The following OBP2B variants were observed in gnomAD, a reference collection of about 807,000 sequenced individuals.
OBP2B encodes the protein odorant binding protein 2B, also known as odorant-binding protein 2b.
A neutral mutation model predicts 21.7 loss-of-function variants in OBP2B; 10 were observed. That is an observed-to-expected ratio of 0.46 (90% confidence interval 0.28 to 0.78). The LOEUF is 0.78. Among genes scored for constraint, OBP2B ranks in the 30% least tolerant of loss-of-function variants. The pLI is 0.11. For synonymous variants in OBP2B, 73 were observed against 91.5 expected (o/e 0.80, Z 1.16); for missense variants, 153 against 217.7 (o/e 0.70, Z 1.87).
rs782119753 is a variant in OBP2B, at chr9:133,208,136, C to T, written c.274G>A (p.Ala92Thr). 8.1e-6 allele frequency: 13 copies of T among 1,610,674 alleles called. No individual in the cohort carries two copies. Among genetic ancestry groups the T allele is most frequent in the African/African-American group, 1.3e-5 (1 of 74,468 alleles). The change falls in exon 3 of 7, where the codon GCC (alanine) becomes ACC (threonine). Residue 92 changes from alanine (A) to threonine (T), a missense_variant. Physicochemically the swap from Ala to Thr is moderately conservative, Grantham distance 58. This residue lies in a region of OBP2B where 151 missense variants were observed against 186.3 expected (regional missense o/e 0.81). Coordinates refer to ENST00000372034, the MANE Select transcript of OBP2B (RefSeq NM_014581.4). Reference protein sequence around the residue: ...RKTEEPGKYSAYGGRKLMYLQ... With the variant: ...RKTEEPGKYSTYGGRKLMYLQ... Reference sequence around the variant, plus strand: ...TGGGAGTGGGGGAGGGGCTCACAGGCGCTGTATTTGCCAGGCTCCTCCGTC... The same window carrying T: ...TGGGAGTGGGGGAGGGGCTCACAGGTGCTGTATTTGCCAGGCTCCTCCGTC...
At chr9:133,210,132 G>C (rs1201897932), upstream of OBP2B, among the ~76,000 whole-genome samples, 1 of 152,074 alleles carries the variant, frequency 6.6e-6, no homozygotes, top group Non-Finnish European at 1.5e-5. Flanking sequence ...CGTGGCTGAG[G>C]TCCCTTGGGC....
At chr9:133,216,881 A>G in the OBP2B span, among the ~76,000 whole-genome samples, 1 of 152,296 alleles carries the variant, frequency 6.6e-6, no homozygotes, top group East Asian at 1.9e-4. Context: ...GAAGATACAC[A>G]TGATAGCTCT....
In OBP2B at chr9:133,208,582, C is replaced by T. The variant is rs1384623134; in HGVS notation, c.93G>A (p.Val31=). 1 of 1,611,304 alleles carries T rather than the reference C, an allele frequency of 6.2e-7. No individual in the cohort carries two copies. The part of the protein sequence containing the change: ...EEEDITGTWY[V]KAMVVDKDFP... The stretch of plus-strand genomic sequence containing the variant: ...AGTCCTTATCGACCACCATGGCCTT[C>T]ACGTACCAGGTCCCTGTGATCTGGA... The change falls in exon 2 of 7, where the codon GTG becomes GTA. Residue 31 remains valine, a synonymous_variant. Transcript: ENST00000372034.
chr9:133,211,166 A>G (rs567664720), upstream of OBP2B, among the ~76,000 whole-genome samples: 1 of 150,436 alleles, frequency 6.6e-6, no homozygotes, highest in African/African-American at 2.4e-5. Flanking sequence ...ACAAGCACCT[A>G]GACCAGAGCA....
At chr9:133,210,456 C>T (rs1340153507), upstream of OBP2B, among the ~76,000 whole-genome samples, 1 of 152,154 alleles carries the variant, frequency 6.6e-6, no homozygotes, top group Non-Finnish European at 1.5e-5. Context: ...CCCCCACCCT[C>T]ATCCCCCCGG....
intron 4 of OBP2B, among the ~76,000 whole-genome samples, chr9:133,206,930 G>A (rs1477304475): frequency 6.6e-6 from 1 of 151,968 alleles, no homozygotes; most frequent in East Asian, 1.9e-4. Context: ...GCCCCATGAA[G>A]AGCTCTCTTA....
chr9:133,219,970 C>T, the OBP2B span, among the ~76,000 whole-genome samples: 1 of 152,184 alleles, frequency 6.6e-6, no homozygotes, highest in African/African-American at 2.4e-5. Context: ...CATGCTACCA[C>T]ATGAGCAAAC....
At position 133,207,311 on chromosome 9, in the gene OBP2B, C is replaced by G. The variant is rs769302627; in HGVS notation, c.303G>C (p.Leu101=). Residue 101 remains leucine (L), a synonymous_variant, in exon 4 of 7, where the codon CTG becomes CTC. Transcript: ENST00000372034. The part of the protein sequence containing the change: ...SAYGGRKLMY[L]QELPRRDHYI... ...AGTGGTCCCTCCTGGGCAGCTCCTGCAGGTACATGAGCTTCCTGCCCCCAT... is the reference window on the plus strand; with the variant it reads ...AGTGGTCCCTCCTGGGCAGCTCCTGGAGGTACATGAGCTTCCTGCCCCCAT... 57 of 1,612,974 alleles carry G rather than the reference C, an allele frequency of 3.5e-5. No homozygotes were observed. Among genetic ancestry groups the G allele is most frequent in the Non-Finnish European group, 4.7e-5 (56 of 1,179,196 alleles).
At chr9:133,210,274 T>A (rs1266683823), upstream of OBP2B, among the ~76,000 whole-genome samples, 1 of 152,104 alleles carries the variant, frequency 6.6e-6, no homozygotes, top group East Asian at 1.9e-4. Flanking sequence ...TGCAGGCAGG[T>A]GCTGGACCCA....
upstream of OBP2B, among the ~76,000 whole-genome samples, chr9:133,210,506 T>G (rs1445788554): frequency 6.6e-6 from 1 of 151,478 alleles, no homozygotes; most frequent in Non-Finnish European, 1.5e-5. Flanking sequence ...GGACCAGAGA[T>G]GAGCAAACAG....
chr9:133,219,821 T>C, the OBP2B span, among the ~76,000 whole-genome samples: 14 of 152,232 alleles, frequency 9.2e-5, no homozygotes, highest in Non-Finnish European at 1.8e-4. Flanking sequence ...AAAACATTTA[T>C]GCACAAATGT....
At chr9:133,219,364 A>G in the OBP2B span, among the ~76,000 whole-genome samples, 1 of 152,280 alleles carries the variant, frequency 6.6e-6, no homozygotes, top group Non-Finnish European at 1.5e-5. Context: ...TGCAAATCAC[A>G]TATCTGACAA....
the OBP2B span, among the ~76,000 whole-genome samples, chr9:133,215,280 C>T: frequency 6.6e-6 from 1 of 152,112 alleles, no homozygotes; most frequent in African/African-American, 2.4e-5. Context: ...AAGATCTAAA[C>T]AAATGGAGAG....
Position 133,205,902 on chromosome 9 carries a change from T to C in OBP2B, c.*1+15A>G, listed in dbSNP as rs146582704. 107,738 of 1,094,232 alleles carry C rather than the reference T, an allele frequency of 0.098. No individual in the cohort carries two copies. The highest frequency in any genetic ancestry group is 0.15 in the African/African-American group (7,021 of 47,004). 67.8% of individuals were successfully genotyped at this position (1,094,232 alleles called of 1,614,324 possible). On this transcript the variant is annotated intron_variant, in intron 6 of 6. Transcript: ENST00000372034. ...ACTCTGGGCTTGTCCAGTGCCCTCC[T>C]AAAGGCTCACTCACCCTAGTGTTCG...
chr9:133,208,015 G>T, intron 3 of OBP2B, 118 bp downstream of exon 3: 1 of 1,510,980 alleles, frequency 6.6e-7, no homozygotes, highest in Non-Finnish European at 8.9e-7. Context: ...CCTCCTTGGA[G>T]GTGGGCAGAG....
At position 133,208,115 on chromosome 9, in the gene OBP2B, A is replaced by C. The variant is rs782317113; in HGVS notation, c.277+18T>G. On this transcript the variant is annotated intron_variant, in intron 3 of 6. Coordinates refer to ENST00000372034, the MANE Select transcript of OBP2B (RefSeq NM_014581.4). ...GGCGGTGGGGGAGGGTGGGGGTGGG[A>C]GTGGGGGAGGGGCTCACAGGCGCTG... 1.8e-6 allele frequency: 2 copies of C among 1,127,134 alleles called. No individual in the cohort carries two copies. The highest frequency in any genetic ancestry group is 2.4e-6 in the Non-Finnish European group (2 of 847,450). The allele number at this position is 1,127,134 out of a possible 1,614,324, so 69.8% of individuals were successfully genotyped here. A position where few individuals can be genotyped will look rare whatever the true frequency, so the allele number is the denominator to read the frequency against.
At chr9:133,215,972 A>G in the OBP2B span, among the ~76,000 whole-genome samples, 4 of 152,242 alleles carry the variant, frequency 2.6e-5, no homozygotes, top group African/African-American at 9.7e-5. Context: ...CATAAAACTT[A>G]AAACTATAAA....
the OBP2B span, among the ~76,000 whole-genome samples, chr9:133,216,354 T>C: frequency 1.3e-5 from 2 of 150,698 alleles, no homozygotes; most frequent in South Asian, 2.1e-4. Flanking sequence ...ATCAGTGAAA[T>C]GCAAATAAAA....
At chr9:133,217,998 G>A in the OBP2B span, among the ~76,000 whole-genome samples, 1 of 152,170 alleles carries the variant, frequency 6.6e-6, no homozygotes, top group Non-Finnish European at 1.5e-5. Flanking sequence ...TGGTTCATAC[G>A]TTATTTTAAA....
Sources: gnomAD v4.1 joint callset for allele counts (sites outside exome capture counted in the v4.1 genomes callset) on GRCh38, gnomAD v4.1.1 for gene constraint, gnomAD v4.1.1 regional missense constraint, MANE v1.5 for transcripts, NCBI Gene and HGNC (gene_info 2026-07-23, HGNC 2026-07-21) for gene names.